The following DSCAM variants were observed in gnomAD, a reference collection of about 807,000 sequenced individuals.
The protein encoded by DSCAM is cell adhesion molecule DSCAM.
In DSCAM, 47 loss-of-function variants were observed where a neutral mutation model predicts 217.7. The ratio of observed to expected loss-of-function variants is 0.22; its 90% confidence interval spans 0.17 to 0.28. The LOEUF is 0.28. Among genes scored for constraint, DSCAM ranks in the 10% least tolerant of loss-of-function variants. DSCAM has a pLI of 1.00. For synonymous variants in DSCAM, 1,056 were observed against 1,015.3 expected, an observed-to-expected ratio of 1.04 and a Z score of -0.76; for missense variants, 2,080 against 2,618.3, an observed-to-expected ratio of 0.79 and a Z score of 4.49.
At chr21:40,234,299 C>G (rs953633058) in intron 11 of DSCAM, among the ~76,000 whole-genome samples, 10 of 152,202 alleles carry the variant, frequency 6.6e-5, no homozygotes, top group Admixed American at 5.9e-4. Context: ...CAGAACAGTT[C>G]TGCAACTTTG....
chr21:40,069,087 G>GAAA (rs56406042), intron 27 of DSCAM, among the ~76,000 whole-genome samples: 1 of 124,814 alleles, frequency 8.0e-6, no homozygotes, highest in Non-Finnish European at 1.8e-5. Context: ...CTCTGTCTCA[G>GAAA]AAAAAAAAAA....
chr21:40,786,519 C>A lies in DSCAM; in HGVS notation c.43+60100G>T, dbSNP rs542596877. ...TAATCAATCAGAATCTTCAGTTTAA[C>A]GAGACACCCAGGAGACTTGAAGGGA... On this transcript the variant is annotated intron_variant, in intron 1 of 32. Transcript: ENST00000400454. Among the ~76,000 whole-genome samples the A allele has an allele frequency of 2.0e-5, 3 of 152,118 alleles. No homozygotes were observed. In the South Asian group the frequency reaches 6.2e-4, roughly 32 times the overall value.
At chr21:40,772,456 A>G (rs1004329175) in intron 1 of DSCAM, among the ~76,000 whole-genome samples, 5 of 152,206 alleles carry the variant, frequency 3.3e-5, no homozygotes, top group African/African-American at 1.2e-4. Flanking sequence ...GGCATAAGCC[A>G]CTGTGCCCAG....
intron 3 of DSCAM, among the ~76,000 whole-genome samples, chr21:40,526,574 C>T (rs143985152): frequency 4.5e-4 from 68 of 151,912 alleles, no homozygotes; most frequent in Middle Eastern, 6.8e-3. Context: ...TAGGTGAGGC[C>T]GGGGGGTGGG....
intron 3 of DSCAM, among the ~76,000 whole-genome samples, chr21:40,494,220 T>C (rs2076099423): frequency 6.6e-6 from 1 of 152,106 alleles, no homozygotes; most frequent in African/African-American, 2.4e-5. Flanking sequence ...TGAATGTAAA[T>C]GGATTAAATT....
chr21:40,026,054 A>G (rs1407314263), intron 32 of DSCAM, among the ~76,000 whole-genome samples: 1 of 141,204 alleles, frequency 7.1e-6, no homozygotes, highest in Non-Finnish European at 1.6e-5. Context: ...TGCGTCCCAG[A>G]GATTCTGGTA....
At chr21:40,368,944 T>C (rs1021407223) in intron 4 of DSCAM, among the ~76,000 whole-genome samples, 155 bp downstream of exon 4, 1 of 152,252 alleles carries the variant, frequency 6.6e-6, no homozygotes, top group African/African-American at 2.4e-5. Context: ...TGTACTCATA[T>C]TCATTTAAAA....
chr21:40,422,247 C>G (rs1359794614), intron 3 of DSCAM, among the ~76,000 whole-genome samples: 1 of 152,176 alleles, frequency 6.6e-6, no homozygotes. Context: ...CCAGTCTTGG[C>G]CTTCGAGGGC....
chr21:40,087,147 G>T (rs752892084), intron 22 of DSCAM, 23 bp downstream of exon 22: 1 of 1,492,320 alleles, frequency 6.7e-7, no homozygotes, highest in Non-Finnish European at 9.4e-7. Flanking sequence ...CTCACTGAAG[G>T]CATACATTGG....
intron 3 of DSCAM, among the ~76,000 whole-genome samples, chr21:40,625,178 T>C (rs959856025): frequency 6.6e-6 from 1 of 152,102 alleles, no homozygotes; most frequent in Admixed American, 6.5e-5. Flanking sequence ...GAGATGTTGA[T>C]GAAGTTCAAT....
chr21:40,145,706 A>G (rs551175635), intron 16 of DSCAM, among the ~76,000 whole-genome samples: 1 of 152,178 alleles, frequency 6.6e-6, no homozygotes, highest in East Asian at 1.9e-4. Flanking sequence ...TTAGCCAGGC[A>G]TGGTGGTGGG....
At chr21:40,594,403 G>A (rs1161430808) in intron 3 of DSCAM, among the ~76,000 whole-genome samples, 1 of 152,112 alleles carries the variant, frequency 6.6e-6, no homozygotes, top group Non-Finnish European at 1.5e-5. Context: ...CACTTGGGCA[G>A]TAATCCTGGC....
intron 28 of DSCAM, among the ~76,000 whole-genome samples, chr21:40,057,431 C>T (rs2089043431): frequency 6.6e-6 from 1 of 152,206 alleles, no homozygotes; most frequent in Admixed American, 6.5e-5. Flanking sequence ...AACTACTCCT[C>T]TGTGAATATC....
At chr21:40,371,788 C>T (rs992676240) in intron 3 of DSCAM, among the ~76,000 whole-genome samples, 18 of 152,058 alleles carry the variant, frequency 1.2e-4, no homozygotes, top group African/African-American at 4.1e-4. Context: ...AGTTTCTGTG[C>T]GTAAACCCAT....
chr21:40,779,573 G>C (rs2091521426), intron 1 of DSCAM, among the ~76,000 whole-genome samples: 2 of 152,180 alleles, frequency 1.3e-5, no homozygotes, highest in Admixed American at 1.3e-4. Context: ...TGCCATTCCA[G>C]TGGGGAAAGG....
chr21:40,750,680 C>T (rs1403134439), intron 1 of DSCAM, among the ~76,000 whole-genome samples: 1 of 151,758 alleles, frequency 6.6e-6, no homozygotes, highest in Non-Finnish European at 1.5e-5. Flanking sequence ...GCATCAGAAA[C>T]CGAACATTCT....
intron 3 of DSCAM, among the ~76,000 whole-genome samples, chr21:40,387,953 A>C (rs796673480): frequency 1.3e-5 from 2 of 152,180 alleles, no homozygotes; most frequent in South Asian, 2.1e-4. Flanking sequence ...AAATCTACAG[A>C]AATTACTCAG....
intron 1 of DSCAM, among the ~76,000 whole-genome samples, chr21:40,756,545 C>A (rs910210009): frequency 3.4e-5 from 5 of 148,922 alleles, no homozygotes; most frequent in Non-Finnish European, 7.5e-5. Context: ...GCTCCTGCCA[C>A]AATGCCCAGC....
chr21:40,153,754 C>T (rs1417305521), intron 16 of DSCAM, among the ~76,000 whole-genome samples: 1 of 152,122 alleles, frequency 6.6e-6, no homozygotes, highest in Non-Finnish European at 1.5e-5. Context: ...TTAAAAAGCC[C>T]TCCAGGGGAT....
Sources: allele counts gnomAD v4.1 joint callset (sites outside exome capture counted in the v4.1 genomes callset), GRCh38; gene constraint gnomAD v4.1.1; transcripts MANE v1.5; gene names NCBI Gene and HGNC (gene_info 2026-07-23, HGNC 2026-07-21).